Variants in ANPEP observed in about 807,000 individuals in gnomAD.
The protein encoded by ANPEP is alanyl aminopeptidase, membrane, also known as aminopeptidase N.
A neutral mutation model predicts 114.6 loss-of-function variants in ANPEP; 70 were observed. That is an observed-to-expected ratio of 0.61 (90% CI 0.50 to 0.75). ANPEP has a LOEUF of 0.75. ANPEP is among the 30% of genes least tolerant of loss of function. The pLI, the probability that ANPEP is intolerant of heterozygous loss-of-function variation, is 0.00. For missense variants in ANPEP, 1,184 were observed against 1,259.5 expected, an observed-to-expected ratio of 0.94 and a Z score of 0.91; for synonymous variants, 548 against 522.3, an observed-to-expected ratio of 1.05 and a Z score of -0.67.
At chr15:89,786,032 A>G (rs1968501009) in intron 20 of ANPEP, among the ~76,000 whole-genome samples, 1 of 152,252 alleles carries the variant, frequency 6.6e-6, no homozygotes, top group South Asian at 2.1e-4. Context: ...CCATTAAAAA[A>G]TCTATTAGAA....
chr15:89,792,162 G>A lies in ANPEP; in HGVS notation c.2526C>T (p.Asn842=), dbSNP rs754709858. ...TCCCACCCTGCGCCAAGACTCACCTGTTCAGGATCCACAACTCTTTGCTGC... is the reference window on the plus strand; with the variant it reads ...TCCCACCCTGCGCCAAGACTCACCTATTCAGGATCCACAACTCTTTGCTGC... ...LACSKELWIL[N]RYLSYTLNPD... is the part of the protein sequence containing the mutation. The change falls in exon 18 of 21, where the codon AAC becomes AAT. Residue 842 remains asparagine (N), a splice_region_variant and synonymous_variant. Coordinates refer to ENST00000300060, the MANE Select transcript of ANPEP (RefSeq NM_001150.3). 6 of 1,613,702 alleles carry A rather than the reference G, an allele frequency of 3.7e-6. No individual in the cohort carries two copies. Among genetic ancestry groups the A allele is most frequent in the Admixed American group, 1.7e-5 (1 of 59,988 alleles).
In ANPEP at chr15:89,804,631, G is replaced by A; in HGVS notation, c.898-14C>T. ...CCAGATCCGGATCTGCAAGGTGTGAGGAAGAAGCAGACCAGGGGCTCCTGT... is the reference window on the plus strand; with the variant it reads ...CCAGATCCGGATCTGCAAGGTGTGAAGAAGAAGCAGACCAGGGGCTCCTGT... On this transcript the variant is annotated splice_polypyrimidine_tract_variant and intron_variant, in intron 4 of 20. Coordinates refer to ENST00000300060, the MANE Select transcript of ANPEP (RefSeq NM_001150.3). 2 of 1,612,018 alleles carry A rather than the reference G, an allele frequency of 1.2e-6. No individual in the cohort carries two copies. The highest frequency in any genetic ancestry group is 1.7e-6 in the Non-Finnish European group (2 of 1,179,024).
chr15:89,812,382 C>T (rs543777232), intron 1 of ANPEP, among the ~76,000 whole-genome samples: 10 of 152,352 alleles, frequency 6.6e-5, no homozygotes, highest in Non-Finnish European at 1.2e-4. Flanking sequence ...ACTCTGTCCC[C>T]GCAGGCCCCT....
Position 89,801,747 on chromosome 15 carries a change from G to A in ANPEP, c.1570-140C>T, listed in dbSNP as rs911800703. The A allele has an allele frequency of 1.1e-4, 105 of 968,394 alleles. No individual in the cohort carries two copies. In the African/African-American group the frequency reaches 1.5e-3, roughly 14 times the overall value. The allele number at this position is 968,394 out of a possible 1,614,324, so 60.0% of individuals were successfully genotyped here. ...TGGGAAGGGCACTGGGCTGGGAGCCGGGAGCCAGGGTACCGTCCAGCTCTG... is the reference window on the plus strand; with the variant it reads ...TGGGAAGGGCACTGGGCTGGGAGCCAGGAGCCAGGGTACCGTCCAGCTCTG... On this transcript the variant is annotated intron_variant, in intron 10 of 20. Transcript: ENST00000300060.
chr15:89,793,187 C>T lies in ANPEP; in HGVS notation c.2158-61G>A, dbSNP rs142553566. The T allele has an allele frequency of 1.1e-4, 157 of 1,478,364 alleles. No individual in the cohort carries two copies. The African/African-American group carries it at 1.9e-3, about 18-fold the overall frequency. The allele number at this position is 1,478,364 out of a possible 1,614,324, so 91.6% of individuals were successfully genotyped here. A position where few individuals can be genotyped will look rare whatever the true frequency, so the allele number is the denominator to read the frequency against. ...CATGCCTGACCTGCCTGGAGCCCCA[C>T]AGAGCCTCTGATGTTGGGGGGCAGG... is the stretch of plus-strand genomic sequence containing the variant. On this transcript the variant is annotated intron_variant, in intron 15 of 20. Coordinates refer to ENST00000300060, the MANE Select transcript of ANPEP (RefSeq NM_001150.3).
chr15:89,811,368 C>T lies in ANPEP; in HGVS notation c.-224+3404G>A, dbSNP rs182772932. ...ATTGGTTTAAAAATTGTTCCTGGGC[C>T]GGGCGTGTTGGCTCATGCTTGTAAT... On this transcript the variant is annotated intron_variant, in intron 1 of 20. Transcript: ENST00000300060. Among the ~76,000 whole-genome samples the T allele has an allele frequency of 5.0e-4, 76 of 152,110 alleles. No individual in the cohort carries two copies. The East Asian group carries it at 0.013, about 26-fold the overall frequency.
intron 1 of ANPEP, among the ~76,000 whole-genome samples, chr15:89,807,787 A>G (rs1287347592): frequency 1.3e-5 from 2 of 152,184 alleles, no homozygotes; most frequent in Non-Finnish European, 2.9e-5. Flanking sequence ...GATATTACTT[A>G]CCATACAAAA....
chr15:89,807,854 C>T (rs1894749526), intron 1 of ANPEP, among the ~76,000 whole-genome samples: 1 of 152,148 alleles, frequency 6.6e-6, no homozygotes, highest in African/African-American at 2.4e-5. Context: ...CATCCACCAG[C>T]CCAGTTTCTC....
At chr15:89,801,974 G>A (rs1892065427) in intron 10 of ANPEP, among the ~76,000 whole-genome samples, 1 of 152,162 alleles carries the variant, frequency 6.6e-6, no homozygotes, top group African/African-American at 2.4e-5. Context: ...AGGTGTCACA[G>A]GCAGGGGTGG....
Position 89,804,924 on chromosome 15 carries a change from A to G in ANPEP, c.897+154T>C, listed in dbSNP as rs933475737. On this transcript the variant is annotated intron_variant, in intron 4 of 20. Coordinates refer to ENST00000300060, the MANE Select transcript of ANPEP (RefSeq NM_001150.3). Reference sequence around the variant, plus strand: ...TCATTTTTCAGGTGCAGAAATGGAGAACCAGAGAACAAGACACTTGCCTGA... The same window carrying G: ...TCATTTTTCAGGTGCAGAAATGGAGGACCAGAGAACAAGACACTTGCCTGA... 6.2e-6 allele frequency: 7 copies of G among 1,121,628 alleles called. No homozygotes were observed. The Admixed American group carries it at 1.8e-4, about 28-fold the overall frequency. 69.5% of individuals were successfully genotyped at this position (1,121,628 alleles called of 1,614,324 possible). A position where few individuals can be genotyped will look rare whatever the true frequency, so the allele number is the denominator to read the frequency against.
intron 15 of ANPEP, 117 bp downstream of exon 15, chr15:89,797,458 G>T: frequency 8.0e-6 from 11 of 1,378,382 alleles, no homozygotes; most frequent in South Asian, 3.3e-5. Flanking sequence ...TTTTTGTTTT[G>T]CTTTTGAAGG....
At position 89,797,654 on chromosome 15, in the gene ANPEP, A is replaced by G. The variant is rs1331741490; in HGVS notation, c.2078T>C (p.Met693Thr). The change falls in exon 15 of 21, where the codon ATG (methionine) becomes ACG (threonine). Residue 693 changes from methionine (M) to threonine (T), a missense_variant. Met to Thr is a moderately conservative substitution (Grantham distance 81). Transcript: ENST00000300060. ...TLFLIEERQY[M>T]PWEAALSSLS... ...GCTGCTCAGGGCGGCCTCCCAGGGC[A>G]TGTACTGTCTCTCTTCAATCAGGAA... The G allele has an allele frequency of 6.2e-7, 1 of 1,614,144 alleles. No individual in the cohort carries two copies. The highest frequency in any genetic ancestry group is 1.6e-4 in the Middle Eastern group (1 of 6,062).
At position 89,791,042 on chromosome 15, in the gene ANPEP, G is replaced by C. The variant is rs148098345; in HGVS notation, c.2580C>G (p.Thr860=). 7 of 1,614,236 alleles carry C rather than the reference G, an allele frequency of 4.3e-6. No individual in the cohort carries two copies. Among genetic ancestry groups the C allele is most frequent in the Non-Finnish European group, 5.9e-6 (7 of 1,180,046 alleles). ...TGTTGGTAATGCTGATGATGGTAGA[G>C]GTGGCGTCCTGCTTCCGGATTAAGT... ...NPDLIRKQDA[T]STIISITNNV... Residue 860 remains threonine (T), a synonymous_variant, in exon 19 of 21, where the codon ACC becomes ACG. Coordinates refer to ENST00000300060, the MANE Select transcript of ANPEP (RefSeq NM_001150.3).
intron 16 of ANPEP, 42 bp downstream of exon 16, chr15:89,792,993 G>A (rs201619441): frequency 1.2e-5 from 18 of 1,541,720 alleles, no homozygotes; most frequent in South Asian, 4.5e-5. Flanking sequence ...TTGACTCCCC[G>A]GGGTGCCCAG....
rs373138765 is a variant in ANPEP at position 89,806,432 on chromosome 15, G to A, written c.152C>T (p.Pro51Leu). The A allele has an allele frequency of 2.7e-5, 43 of 1,613,770 alleles. No homozygotes were observed. The highest frequency in any genetic ancestry group is 3.3e-4 in the Middle Eastern group (2 of 6,084). The part of the protein sequence containing the change: ...ANSSPVASTT[P>L]SASATTNPAS... ...GGGGTTGGTGGTGGCTGAGGCGGAC[G>A]GGGTGGTGGAGGCCACGGGGGAGCT... The change falls in exon 2 of 21, where the codon CCG becomes CTG. Residue 51 changes from proline (P) to leucine (L), a missense_variant. By Grantham distance (98) the Pro-to-Leu change is moderately conservative. Coordinates refer to ENST00000300060, the MANE Select transcript of ANPEP (RefSeq NM_001150.3). This position sits in a 1 kb window ranked among gnomAD's most constrained non-coding sequence, Gnocchi z 5.7.
At chr15:89,813,885 G>C (rs988408556) in intron 1 of ANPEP, among the ~76,000 whole-genome samples, 1 of 152,110 alleles carries the variant, frequency 6.6e-6, no homozygotes, top group East Asian at 1.9e-4. Flanking sequence ...CCCCGAACAC[G>C]GCCTGGTGGG....
chr15:89,790,378 G>A, intron 20 of ANPEP, 82 bp downstream of exon 20: 1 of 1,340,800 alleles, frequency 7.5e-7, no homozygotes, highest in African/African-American at 1.4e-5. Flanking sequence ...GCTCCCTCAG[G>A]GCCACGTGGG....
Position 89,785,276 on chromosome 15 carries a change from C to T in ANPEP, c.*73G>A, listed in dbSNP as rs931734016. The T allele has an allele frequency of 1.3e-6, 2 of 1,587,644 alleles. No individual in the cohort carries two copies. Among genetic ancestry groups the T allele is most frequent in the South Asian group, 2.3e-5 (2 of 88,766 alleles). ...GTGCCTCGGGCTCCAGGAATGGAGG[C>T]CCTGCACCAGCCGCTGGGATGGACA... is the stretch of plus-strand genomic sequence containing the variant. On this transcript the variant is annotated 3_prime_UTR_variant, in exon 21 of 21. Coordinates refer to ENST00000300060, the MANE Select transcript of ANPEP (RefSeq NM_001150.3).
intron 15 of ANPEP, among the ~76,000 whole-genome samples, chr15:89,795,254 G>T (rs1968706830): frequency 6.6e-6 from 1 of 152,150 alleles, no homozygotes; most frequent in African/African-American, 2.4e-5. Flanking sequence ...GGTGTGCAAA[G>T]CTGAGGGAAC....
Sources: allele counts gnomAD v4.1 joint callset (sites outside exome capture counted in the v4.1 genomes callset), GRCh38; gene constraint gnomAD v4.1.1; non-coding constraint Gnocchi (gnomAD v3.1); transcripts MANE v1.5; gene names NCBI Gene and HGNC (gene_info 2026-07-23, HGNC 2026-07-21).